The following CCNY variants were observed in gnomAD, a reference collection of about 807,000 sequenced individuals.
CCNY encodes cyclin Y, also known as cyclin-Y.
CCNY carries 19 observed loss-of-function variants against 42.8 expected under a neutral mutation model. That is an observed-to-expected ratio of 0.44 (90% CI 0.31 to 0.65). CCNY has a LOEUF of 0.65. Among genes scored for constraint, CCNY ranks in the 30% least tolerant of loss-of-function variants. The probability of loss-of-function intolerance (pLI) is 0.07; values close to 1 mark genes in which losing one functional copy is unlikely to be tolerated. For synonymous variants in CCNY, 165 were observed against 162.7 expected (o/e 1.01, Z -0.11); for missense variants, 370 against 437.3 (o/e 0.85, Z 1.37).
Position 35,456,451 on chromosome 10 carries a change from G to A in CCNY, c.155-26953G>A, listed in dbSNP as rs111831518. 3.4e-3 allele frequency among the ~76,000 whole-genome samples: 514 copies of A among 152,314 alleles called. 4 individuals are homozygous for A. Among genetic ancestry groups the A allele is most frequent in the African/African-American group, 0.012 (482 of 41,564 alleles). On this transcript the variant is annotated intron_variant, in intron 1 of 9. Transcript: ENST00000374704. ...TTTAATTCAGGTTTTATTAAGCTGG[G>A]CAGCAGATCATTGATTGCACAGGAT...
chr10:35,559,389 G>A (rs1415170474), intron 8 of CCNY, among the ~76,000 whole-genome samples: 2 of 152,198 alleles, frequency 1.3e-5, no homozygotes, highest in Non-Finnish European at 2.9e-5. Context: ...CTTGTTGCTC[G>A]TAGTATACTG....
chr10:35,393,825 G>A (rs984105386), intron 1 of CCNY, among the ~76,000 whole-genome samples: 1 of 151,816 alleles, frequency 6.6e-6, no homozygotes. Flanking sequence ...GCACGCACCT[G>A]TAGTTCTAGC....
chr10:35,529,346 A>G (rs980612582), intron 5 of CCNY, among the ~76,000 whole-genome samples: 12 of 152,240 alleles, frequency 7.9e-5, no homozygotes, highest in Admixed American at 3.9e-4. Flanking sequence ...AAGCAGATCC[A>G]ACAACCTTTG....
At chr10:35,298,852 T>A (rs1473800963) in intron 3 of CCNY, among the ~76,000 whole-genome samples, 1 of 152,180 alleles carries the variant, frequency 6.6e-6, no homozygotes, top group Non-Finnish European at 1.5e-5. Context: ...TAACTGTAGT[T>A]AGTTTATCAA....
At chr10:35,364,964 A>G (rs923009358) in intron 1 of CCNY, among the ~76,000 whole-genome samples, 3 of 152,214 alleles carry the variant, frequency 2.0e-5, no homozygotes, top group Non-Finnish European at 4.4e-5. Context: ...TGCTTTTGAA[A>G]TGAACCAATT....
intron 3 of CCNY, among the ~76,000 whole-genome samples, chr10:35,502,822 G>A (rs2135392457): frequency 6.6e-6 from 1 of 151,728 alleles, no homozygotes; most frequent in South Asian, 2.1e-4. Context: ...CTAAATCCTT[G>A]CTTCCATTTC....
At chr10:35,406,465 A>G (rs1837775176) in intron 1 of CCNY, among the ~76,000 whole-genome samples, 1 of 151,962 alleles carries the variant, frequency 6.6e-6, no homozygotes, top group East Asian at 1.9e-4. Flanking sequence ...CGTCTGTTTA[A>G]CAAAGCACAT....
chr10:35,538,337 G>A (rs1368196173), intron 7 of CCNY, among the ~76,000 whole-genome samples: 1 of 152,210 alleles, frequency 6.6e-6, no homozygotes, highest in Non-Finnish European at 1.5e-5. Context: ...ATATCTAGAA[G>A]TGGAATTGCT....
intron 1 of CCNY, among the ~76,000 whole-genome samples, chr10:35,422,699 T>C (rs961220124): frequency 6.6e-6 from 1 of 152,260 alleles, no homozygotes; most frequent in African/African-American, 2.4e-5. Context: ...GAGATTTATT[T>C]ATTTATATTT....
At chr10:35,472,773 A>T (rs764341364) in intron 1 of CCNY, among the ~76,000 whole-genome samples, 18 of 152,180 alleles carry the variant, frequency 1.2e-4, no homozygotes, top group Non-Finnish European at 2.1e-4. Flanking sequence ...AGCTAAATAC[A>T]TGTTTTGTCT....
chr10:35,379,133 A>G (rs1373853920), intron 1 of CCNY, among the ~76,000 whole-genome samples: 2 of 152,346 alleles, frequency 1.3e-5, no homozygotes, highest in South Asian at 4.1e-4. Flanking sequence ...ACGATGTACC[A>G]AGAGAGTAAG....
rs1380564341 is a variant in CCNY, at chr10:35,403,174, G to A, written c.154+65967G>A. 5.9e-5 allele frequency among the ~76,000 whole-genome samples: 9 copies of A among 152,268 alleles called. No homozygotes were observed. In the East Asian group the frequency reaches 1.5e-3, roughly 26 times the overall value. The stretch of plus-strand genomic sequence containing the variant: ...ACAATCCCTGAGGGGTAGTGGAATA[G>A]CACATGGAACACAGAGAAGTGATTT... On this transcript the variant is annotated intron_variant, in intron 1 of 9. Transcript: ENST00000374704.
chr10:35,285,309 T>C (rs987318863), intron 3 of CCNY, among the ~76,000 whole-genome samples: 2 of 152,200 alleles, frequency 1.3e-5, no homozygotes, highest in Non-Finnish European at 2.9e-5. Flanking sequence ...GTGCTGAGAT[T>C]ACAGGCAGGA....
At chr10:35,369,370 T>C (rs899967703) in intron 1 of CCNY, among the ~76,000 whole-genome samples, 21 of 152,340 alleles carry the variant, frequency 1.4e-4, no homozygotes, top group African/African-American at 5.1e-4. Context: ...ATGGATTCGT[T>C]ACTACATTTG....
At chr10:35,431,562 T>G (rs1332095287) in intron 1 of CCNY, among the ~76,000 whole-genome samples, 1 of 151,540 alleles carries the variant, frequency 6.6e-6, no homozygotes, top group Non-Finnish European at 1.5e-5. Flanking sequence ...TGCTCTAACC[T>G]TTGAATTCTG....
At chr10:35,479,735 G>A (rs1839620016) in intron 1 of CCNY, among the ~76,000 whole-genome samples, 1 of 151,304 alleles carries the variant, frequency 6.6e-6, no homozygotes, top group Non-Finnish European at 1.5e-5. Flanking sequence ...ATGTGCACAT[G>A]TACCCTAAAA....
At chr10:35,271,106 C>G (rs901243248) in intron 3 of CCNY, among the ~76,000 whole-genome samples, 1 of 152,112 alleles carries the variant, frequency 6.6e-6, no homozygotes, top group African/African-American at 2.4e-5. Flanking sequence ...TCTGTTATAA[C>G]AAGTAAAAAG....
At chr10:35,424,334 C>G (rs1205633442) in intron 1 of CCNY, among the ~76,000 whole-genome samples, 2 of 152,232 alleles carry the variant, frequency 1.3e-5, no homozygotes, top group Non-Finnish European at 2.9e-5. Context: ...TCAAGCGATT[C>G]TCCTGCCTCA....
chr10:35,426,501 A>G (rs1294046303), intron 1 of CCNY, among the ~76,000 whole-genome samples: 5 of 152,218 alleles, frequency 3.3e-5, no homozygotes, highest in African/African-American at 9.6e-5. Flanking sequence ...AATACCGTCC[A>G]TGGGGTTTAG....
Sources: allele counts gnomAD v4.1 joint callset (sites outside exome capture counted in the v4.1 genomes callset), GRCh38; gene constraint gnomAD v4.1.1; transcripts MANE v1.5; gene names NCBI Gene and HGNC (gene_info 2026-07-23, HGNC 2026-07-21).